Variants in TMEM120B observed in about 807,000 individuals in gnomAD.
TMEM120B encodes transmembrane protein 120B.
A neutral mutation model predicts 55.5 loss-of-function variants in TMEM120B; 31 were observed. The observed-to-expected ratio is 0.56, with a 90% CI of 0.42 to 0.75. The LOEUF is 0.75. Among genes scored for constraint, TMEM120B ranks in the 30% least tolerant of loss-of-function variants. The probability of loss-of-function intolerance (pLI) is 0.00; values close to 1 mark genes in which losing one functional copy is unlikely to be tolerated. For synonymous variants in TMEM120B, 203 were observed against 176.3 expected, an observed-to-expected ratio of 1.15 and a Z score of -1.20; for missense variants, 399 against 425.5, an observed-to-expected ratio of 0.94 and a Z score of 0.55.
chr12:121,780,819 T>A lies in TMEM120B; in HGVS notation c.*5097T>A. ...GCACCCCAGTTGCAGAGGCCAAAGG[T>A]CCGGGAGGCTTCACAGCCACGGCTG... On this transcript the variant is annotated 3_prime_UTR_variant, in exon 12 of 12. Transcript: ENST00000449592. 6.3e-7 allele frequency: 1 copy of A among 1,581,008 alleles called. No homozygotes were observed. Among genetic ancestry groups the A allele is most frequent in the Non-Finnish European group, 8.6e-7 (1 of 1,165,294 alleles).
chr12:121,728,169 G>C (rs1256129353), intron 1 of TMEM120B, among the ~76,000 whole-genome samples: 1 of 151,586 alleles, frequency 6.6e-6, no homozygotes, highest in Non-Finnish European at 1.5e-5. Context: ...CAGGACGCTT[G>C]GCGAATTTTT....
chr12:121,750,170 C>G (rs558169886), intron 3 of TMEM120B, among the ~76,000 whole-genome samples: 4 of 151,988 alleles, frequency 2.6e-5, no homozygotes, highest in Admixed American at 1.3e-4. Context: ...GAGGAGAAAT[C>G]GACTCCTCAC....
chr12:121,745,421 C>T (rs894525046), intron 2 of TMEM120B, among the ~76,000 whole-genome samples: 19 of 152,124 alleles, frequency 1.2e-4, no homozygotes, highest in Admixed American at 6.6e-4. Flanking sequence ...GATGAAGTCT[C>T]GCTCTGTTGC....
intron 1 of TMEM120B, among the ~76,000 whole-genome samples, chr12:121,738,407 A>C (rs962937192): frequency 1.3e-5 from 2 of 152,140 alleles, no homozygotes; most frequent in African/African-American, 4.8e-5. Context: ...CCCTGGTCTT[A>C]TCTCTCCATG....
chr12:121,728,007 C>T (rs1489966739), intron 1 of TMEM120B, among the ~76,000 whole-genome samples: 1 of 151,792 alleles, frequency 6.6e-6, no homozygotes, highest in Non-Finnish European at 1.5e-5. Context: ...TTTTGACACT[C>T]ACTTTTCTTT....
chr12:121,781,316 G>T lies in TMEM120B; in HGVS notation c.*5594G>T. On this transcript the variant is annotated 3_prime_UTR_variant, in exon 12 of 12. Coordinates refer to ENST00000449592, the MANE Select transcript of TMEM120B (RefSeq NM_001080825.2). ...GCCTCAATTTCCTCATCTATACAAT[G>T]GGCAGCAAGCCAGGAGTGCTGGCAC... 2 of 792,512 alleles carry T rather than the reference G, an allele frequency of 2.5e-6. No homozygotes were observed. The highest frequency in any genetic ancestry group is 2.0e-6 in the Non-Finnish European group (1 of 493,912). The allele number at this position is 792,512 out of a possible 1,614,324, so 49.1% of individuals were successfully genotyped here. A position where few individuals can be genotyped will look rare whatever the true frequency, so the allele number is the denominator to read the frequency against.
chr12:121,714,058 A>G (rs1894649543), intron 1 of TMEM120B, among the ~76,000 whole-genome samples: 1 of 152,006 alleles, frequency 6.6e-6, no homozygotes. Context: ...ATCAATAGAC[A>G]GAGGGTTGCT....
At chr12:121,727,512 G>T (rs541252719) in intron 1 of TMEM120B, among the ~76,000 whole-genome samples, 8 of 138,994 alleles carry the variant, frequency 5.8e-5, no homozygotes, top group Non-Finnish European at 1.1e-4. Flanking sequence ...CTTCCAGCCC[G>T]CATGACAGAG....
intron 1 of TMEM120B, among the ~76,000 whole-genome samples, chr12:121,741,392 C>T (rs1053918253): frequency 2.0e-5 from 3 of 152,108 alleles, no homozygotes; most frequent in Non-Finnish European, 2.9e-5. Context: ...TGCAATGGCG[C>T]GATCTCGGCT....
At chr12:121,724,507 A>C (rs967498547) in intron 1 of TMEM120B, among the ~76,000 whole-genome samples, 2 of 151,374 alleles carry the variant, frequency 1.3e-5, no homozygotes, top group South Asian at 4.2e-4. Flanking sequence ...TGGTGAGAAG[A>C]TGGATGTTAA....
In TMEM120B at chr12:121,761,007, C is replaced by G. The variant is rs577219858; in HGVS notation, c.462-642C>G. On this transcript the variant is annotated intron_variant, in intron 5 of 11. Transcript: ENST00000449592. ...CTTTTGTTTTTTTTTGGGACAGAGT[C>G]TCGCTCTGTCGCTCAGGCTGGAGTG... 1.2e-4 allele frequency among the ~76,000 whole-genome samples: 18 copies of G among 152,102 alleles called. No homozygotes were observed. The South Asian group carries it at 3.3e-3, about 28-fold the overall frequency.
Position 121,780,559 on chromosome 12 carries a change from G to A in TMEM120B, c.*4837G>A, listed in dbSNP as rs1874412358. 5 of 501,426 alleles carry A rather than the reference G, an allele frequency of 1.0e-5. No homozygotes were observed. The highest frequency in any genetic ancestry group is 1.8e-5 in the Non-Finnish European group (5 of 284,766). The allele number at this position is 501,426 out of a possible 1,614,324, so 31.1% of individuals were successfully genotyped here. ...CACAGACTTTGGATTGCAGTGGATG[G>A]GACCAGATCCTGGCTCCACTTCTCG... On this transcript the variant is annotated 3_prime_UTR_variant, in exon 12 of 12. Transcript: ENST00000449592.
chr12:121,749,096 G>T (rs188135380), intron 3 of TMEM120B, among the ~76,000 whole-genome samples: 3 of 152,050 alleles, frequency 2.0e-5, no homozygotes, highest in Non-Finnish European at 4.4e-5. Context: ...TCAGCCTCGC[G>T]CTGAGTCAGA....
In TMEM120B at chr12:121,779,611, C is replaced by T. The variant is rs551990941; in HGVS notation, c.*3889C>T. On this transcript the variant is annotated 3_prime_UTR_variant, in exon 12 of 12. Coordinates refer to ENST00000449592, the MANE Select transcript of TMEM120B (RefSeq NM_001080825.2). ...TCCTCCACATTCTCCCGAAACTTGG[C>T]GGAACATTCCAGGTAGAGAGCAGCT... The T allele has an allele frequency of 1.5e-5, 25 of 1,614,188 alleles. No homozygotes were observed. The highest frequency in any genetic ancestry group is 5.0e-5 in the Admixed American group (3 of 60,028).
chr12:121,779,773 T>A lies in TMEM120B; in HGVS notation c.*4051T>A. ...GACTCTGCAGGGATGGAGGCCTTGG[T>A]TTGGGCCTGTCTGTCTCCTCCATCC... On this transcript the variant is annotated 3_prime_UTR_variant, in exon 12 of 12. Coordinates refer to ENST00000449592, the MANE Select transcript of TMEM120B (RefSeq NM_001080825.2). 1 of 1,168,266 alleles carries A rather than the reference T, an allele frequency of 8.6e-7. No individual in the cohort carries two copies. Among genetic ancestry groups the A allele is most frequent in the East Asian group, 2.5e-5 (1 of 40,814 alleles). The allele number at this position is 1,168,266 out of a possible 1,614,324, so 72.4% of individuals were successfully genotyped here.
chr12:121,746,137 A>T (rs1388244393), intron 2 of TMEM120B, among the ~76,000 whole-genome samples: 1 of 151,522 alleles, frequency 6.6e-6, no homozygotes, highest in Non-Finnish European at 1.5e-5. Context: ...CTGGGATTAC[A>T]GGCATGAGCC....
At position 121,780,847 on chromosome 12, in the gene TMEM120B, C is replaced by T. The variant is rs778748619; in HGVS notation, c.*5125C>T. On this transcript the variant is annotated 3_prime_UTR_variant, in exon 12 of 12. Coordinates refer to ENST00000449592, the MANE Select transcript of TMEM120B (RefSeq NM_001080825.2). ...GGGAGGCTTCACAGCCACGGCTGTG[C>T]CCCAGGGTCTTGGCCCCGGCCCACC... 2 of 1,605,934 alleles carry T rather than the reference C, an allele frequency of 1.2e-6. No individual in the cohort carries two copies. Among genetic ancestry groups the T allele is most frequent in the African/African-American group, 1.3e-5 (1 of 74,858 alleles).
At chr12:121,726,907 CAAAAAAAAAAA>C (rs71305665) in intron 1 of TMEM120B, among the ~76,000 whole-genome samples, 22,488 of 73,232 alleles carry the variant, frequency 0.31, 2,605 homozygotes, top group East Asian at 0.46. Flanking sequence ...GACTCTGTCT[CAAAAAAAAAAA>C]AAAAAAAAAA....
chr12:121,770,848 GAC>G (rs1874018941), intron 6 of TMEM120B, 57 bp from the exon 7 acceptor site: 4 of 1,535,420 alleles, frequency 2.6e-6, no homozygotes, highest in Admixed American at 1.7e-5. Flanking sequence ...GCCTCAGCGA[GAC>G]ACATGCCTGC....
Sources: allele counts gnomAD v4.1 joint callset (sites outside exome capture counted in the v4.1 genomes callset), GRCh38; gene constraint gnomAD v4.1.1; transcripts MANE v1.5; gene names NCBI Gene and HGNC (gene_info 2026-07-23, HGNC 2026-07-21).